ZFAT: variants seen among roughly 807,000 people sequenced by gnomAD.
ZFAT encodes zinc finger and AT-hook domain containing.
A neutral mutation model predicts 117.7 loss-of-function variants in ZFAT; 64 were observed. The observed-to-expected ratio is 0.54, with a 90% CI of 0.44 to 0.67. The LOEUF (loss-of-function observed/expected upper bound fraction) is 0.67. ZFAT is among the 30% of genes least tolerant of loss of function. ZFAT has a pLI of 0.00. For synonymous variants in ZFAT, 679 were observed against 615.0 expected (o/e 1.10, Z -1.54); for missense variants, 1,433 against 1,584.5 (o/e 0.90, Z 1.62).
the ZFAT span, among the ~76,000 whole-genome samples, chr8:134,776,639 T>C: frequency 1.3e-5 from 2 of 152,202 alleles, no homozygotes; most frequent in Admixed American, 1.3e-4. Flanking sequence ...GCATAGCTGA[T>C]GGGCTTTTGT....
chr8:134,749,048 A>T, the ZFAT span, among the ~76,000 whole-genome samples: 1 of 152,200 alleles, frequency 6.6e-6, no homozygotes, highest in Admixed American at 6.5e-5. Flanking sequence ...GAAATGGGTT[A>T]AAAAATTATA....
Position 134,610,457 on chromosome 8 carries a change from T to C in ZFAT, c.634+13A>G, listed in dbSNP as rs2130969314. ...AGGGTCTTGCCTTTTCCTTTCCCGC[T>C]TGGTGCAGTCACCTGGAATTGCTTC... On this transcript the variant is annotated intron_variant, in intron 4 of 15. Coordinates refer to ENST00000377838, the MANE Select transcript of ZFAT (RefSeq NM_020863.4). 6.2e-7 allele frequency: 1 copy of C among 1,608,698 alleles called. No homozygotes were observed. Among genetic ancestry groups the C allele is most frequent in the South Asian group, 1.1e-5 (1 of 89,896 alleles).
intron 1 of ZFAT, among the ~76,000 whole-genome samples, chr8:134,687,430 T>C (rs1833375473): frequency 1.3e-5 from 2 of 152,184 alleles, no homozygotes; most frequent in Non-Finnish European, 1.5e-5. Context: ...TGGCATAAAT[T>C]CTTTTAAGTT....
At chr8:134,751,905 A>G in the ZFAT span, among the ~76,000 whole-genome samples, 9 of 152,218 alleles carry the variant, frequency 5.9e-5, no homozygotes, top group African/African-American at 2.2e-4. Flanking sequence ...TCGATACACT[A>G]TGAAATGAGA....
chr8:134,691,591 A>T (rs934768208), intron 1 of ZFAT, among the ~76,000 whole-genome samples: 2 of 152,180 alleles, frequency 1.3e-5, no homozygotes, highest in Non-Finnish European at 2.9e-5. Context: ...TAATTCAGGA[A>T]CTTCATTCTT....
chr8:134,735,358 C>T, the ZFAT span, among the ~76,000 whole-genome samples: 1 of 152,192 alleles, frequency 6.6e-6, no homozygotes, highest in South Asian at 2.1e-4. Context: ...AAAGCTTACA[C>T]ATGGGAAGTA....
chr8:134,657,651 T>A lies in ZFAT; in HGVS notation c.106A>T (p.Met36Leu). ...ELLSHVSEKH[M>L]EEGVNVDEII... is the part of the protein sequence containing the mutation. ...TCATCAACATTAACCCCTTCTTCCA[T>A]GTGCTTCTCTGAAACGTGGGAGAGG... The change falls in exon 2 of 16, where the codon ATG becomes TTG. Residue 36 changes from methionine (M) to leucine (L), a missense_variant. Transcript: ENST00000377838. 1 of 1,614,142 alleles carries A rather than the reference T, an allele frequency of 6.2e-7. No individual in the cohort carries two copies. Among genetic ancestry groups the A allele is most frequent in the Non-Finnish European group, 8.5e-7 (1 of 1,180,022 alleles).
chr8:134,749,971 T>A, the ZFAT span, among the ~76,000 whole-genome samples: 1 of 152,208 alleles, frequency 6.6e-6, no homozygotes, highest in African/African-American at 2.4e-5. Flanking sequence ...CAAATCCTTC[T>A]ACATTTTTCT....
At chr8:134,696,659 G>A in intron 1 of ZFAT, 1 of 965,958 alleles carries the variant, frequency 1.0e-6, no homozygotes, top group Non-Finnish European at 1.2e-6. Flanking sequence ...AGGGCATCCT[G>A]CCGCCACAGA....
the ZFAT span, among the ~76,000 whole-genome samples, chr8:134,771,158 G>T: frequency 6.6e-6 from 1 of 152,196 alleles, no homozygotes; most frequent in African/African-American, 2.4e-5. Flanking sequence ...ATAAAAACAT[G>T]CTAGTTTTTG....
the ZFAT span, among the ~76,000 whole-genome samples, chr8:134,724,552 A>G: frequency 1.3e-5 from 2 of 152,064 alleles, no homozygotes; most frequent in Non-Finnish European, 2.9e-5. Context: ...TTTCGTTAGT[A>G]TAATAACCAC....
chr8:134,497,245 T>G (rs994809657), intron 15 of ZFAT, among the ~76,000 whole-genome samples: 4 of 152,266 alleles, frequency 2.6e-5, no homozygotes, highest in Non-Finnish European at 5.9e-5. Context: ...GTTGCTGTGA[T>G]GTAATGATAC....
intron 1 of ZFAT, among the ~76,000 whole-genome samples, chr8:134,709,370 C>T (rs1052659297): frequency 3.9e-5 from 6 of 152,304 alleles, no homozygotes; most frequent in African/African-American, 9.6e-5. Flanking sequence ...TCTCCTTTGC[C>T]GGTGAAGGGA....
intron 1 of ZFAT, among the ~76,000 whole-genome samples, chr8:134,702,665 C>CTT (rs555992709): frequency 1.4e-5 from 2 of 144,048 alleles, no homozygotes; most frequent in Non-Finnish European, 3.1e-5. Context: ...ATCTCTATTT[C>CTT]TTTTTTTTTT....
At chr8:134,683,433 G>A (rs929677938) in intron 1 of ZFAT, among the ~76,000 whole-genome samples, 3 of 152,212 alleles carry the variant, frequency 2.0e-5, no homozygotes, top group African/African-American at 7.2e-5. Flanking sequence ...CTAACCACAG[G>A]CCACAGAAGC....
chr8:134,589,298 C>T (rs1017851408), intron 8 of ZFAT, among the ~76,000 whole-genome samples: 1 of 152,224 alleles, frequency 6.6e-6, no homozygotes, highest in African/African-American at 2.4e-5. Flanking sequence ...ACATAGCCCA[C>T]ACAGACGAAG....
intron 15 of ZFAT, among the ~76,000 whole-genome samples, chr8:134,483,583 G>C (rs571267282): frequency 6.6e-6 from 1 of 152,124 alleles, no homozygotes; most frequent in Non-Finnish European, 1.5e-5. Flanking sequence ...ATAATATGGC[G>C]CTCACAGTGT....
At chr8:134,496,499 G>C (rs1402005714) in intron 15 of ZFAT, among the ~76,000 whole-genome samples, 2 of 152,214 alleles carry the variant, frequency 1.3e-5, no homozygotes, top group Non-Finnish European at 2.9e-5. Flanking sequence ...GGTATGCACT[G>C]CCAGCCTGGA....
At chr8:134,561,089 G>A (rs6992521) in intron 11 of ZFAT, among the ~76,000 whole-genome samples, 31,242 of 152,202 alleles carry the variant, frequency 0.21, 3,429 homozygotes, top group Middle Eastern at 0.24. Flanking sequence ...TAGATTTCAG[G>A]ATGACATGGA....
Sources: gnomAD v4.1 joint callset for allele counts (sites outside exome capture counted in the v4.1 genomes callset) on GRCh38, gnomAD v4.1.1 for gene constraint, MANE v1.5 for transcripts, NCBI Gene and HGNC (gene_info 2026-07-23, HGNC 2026-07-21) for gene names.